The following PRKCE variants were observed in gnomAD, a reference collection of about 807,000 sequenced individuals.
The protein encoded by PRKCE is protein kinase C epsilon, also known as protein kinase C epsilon type.
In PRKCE, 16 loss-of-function variants were observed where a neutral mutation model predicts 85.4. That is an observed-to-expected ratio of 0.19 (90% confidence interval 0.13 to 0.28). The LOEUF (loss-of-function observed/expected upper bound fraction) is 0.28. Among genes scored for constraint, PRKCE ranks in the 10% least tolerant of loss-of-function variants. The pLI, the probability that PRKCE is intolerant of heterozygous loss-of-function variation, is 1.00. For synonymous variants in PRKCE, 388 were observed against 371.5 expected, an observed-to-expected ratio of 1.04 and a Z score of -0.51; for missense variants, 573 against 975.2, an observed-to-expected ratio of 0.59 and a Z score of 5.49.
chr2:45,708,442 G>T (rs1679312132), intron 1 of PRKCE, among the ~76,000 whole-genome samples: 1 of 152,144 alleles, frequency 6.6e-6, no homozygotes, highest in Admixed American at 6.5e-5. Context: ...TCTTTCCCAC[G>T]CTGTTCTCAT....
rs184065070 is a variant in PRKCE, at chr2:45,950,145, G to A, written c.413-26284G>A. 1.1e-3 allele frequency among the ~76,000 whole-genome samples: 162 copies of A among 152,260 alleles called. 1 individual carries two copies. The highest frequency in any genetic ancestry group is 1.6e-3 in the Non-Finnish European group (110 of 68,018). ...CCTAAAATGAATGCTTAGAAAATAT[G>A]TCTCTAATTGGCATCCTGGGAACAT... On this transcript the variant is annotated intron_variant, in intron 2 of 14. Coordinates refer to ENST00000306156, the MANE Select transcript of PRKCE (RefSeq NM_005400.3).
intron 2 of PRKCE, among the ~76,000 whole-genome samples, chr2:45,927,163 G>T (rs184751050): frequency 6.6e-6 from 1 of 152,114 alleles, no homozygotes; most frequent in Non-Finnish European, 1.5e-5. Context: ...ACACAGGATG[G>T]TAAGAAGTAT....
At chr2:46,067,675 A>G (rs903526641) in intron 10 of PRKCE, among the ~76,000 whole-genome samples, 1 of 152,236 alleles carries the variant, frequency 6.6e-6, no homozygotes, top group African/African-American at 2.4e-5. Context: ...CTCACAATGT[A>G]TCTGCTGAAC....
chr2:46,145,402 T>TGTCAAGAAGTCC lies in PRKCE; in HGVS notation c.1731+172_1731+183dup, dbSNP rs1383244881. ...GGAAAAAAGTTTGCTGATTGATGTC[T>TGTCAAGAAGTCC]GTCAAGAAGTCCTAGTGTTGGGGAG... is the stretch of plus-strand genomic sequence containing the variant. On this transcript the variant is annotated intron_variant, in intron 12 of 14. Transcript: ENST00000306156. This position sits in a 1 kb window ranked among gnomAD's most constrained non-coding sequence, Gnocchi z 4.6. Among the ~76,000 whole-genome samples the TGTCAAGAAGTCC allele has an allele frequency of 1.3e-5, 2 of 152,222 alleles. No individual in the cohort carries two copies. Among genetic ancestry groups the TGTCAAGAAGTCC allele is most frequent in the African/African-American group, 4.8e-5 (2 of 41,456 alleles).
chr2:46,018,537 T>C (rs1377660731), intron 10 of PRKCE, among the ~76,000 whole-genome samples: 1 of 152,236 alleles, frequency 6.6e-6, no homozygotes, highest in East Asian at 1.9e-4. Flanking sequence ...CAGTGCTTTA[T>C]TTTCCTTCAG....
intron 1 of PRKCE, among the ~76,000 whole-genome samples, chr2:45,819,456 C>T (rs996912669): frequency 6.6e-6 from 1 of 152,310 alleles, no homozygotes; most frequent in South Asian, 2.1e-4. Flanking sequence ...CCCAAGAGGA[C>T]ACATTGTCCT....
intron 13 of PRKCE, among the ~76,000 whole-genome samples, chr2:46,156,982 A>G (rs1451555843): frequency 6.6e-6 from 1 of 152,164 alleles, no homozygotes; most frequent in African/African-American, 2.4e-5. Flanking sequence ...GTGTTATACA[A>G]TGGTAGGAAT....
intron 1 of PRKCE, among the ~76,000 whole-genome samples, chr2:45,684,282 GA>G (rs1677119730): frequency 6.6e-6 from 1 of 152,210 alleles, no homozygotes; most frequent in Non-Finnish European, 1.5e-5. Context: ...TGATTAACCA[GA>G]AGGTCTTGGC....
chr2:45,996,000 T>A (rs1224310683), intron 6 of PRKCE, among the ~76,000 whole-genome samples: 3 of 152,236 alleles, frequency 2.0e-5, no homozygotes, highest in African/African-American at 7.2e-5. Flanking sequence ...ATGAATACGG[T>A]ATATCTCTAT....
intron 13 of PRKCE, among the ~76,000 whole-genome samples, chr2:46,151,797 C>T (rs1191909062): frequency 2.6e-5 from 4 of 152,260 alleles, no homozygotes; most frequent in Admixed American, 2.0e-4. Flanking sequence ...ACTGACCCTG[C>T]CCTAGGAATC....
chr2:45,769,893 T>C (rs1685179408), intron 1 of PRKCE, among the ~76,000 whole-genome samples: 2 of 152,204 alleles, frequency 1.3e-5, no homozygotes, highest in Admixed American at 1.3e-4. Context: ...TGAGAACAGA[T>C]AGGCAGAAAC....
chr2:45,669,479 G>A (rs975156777), intron 1 of PRKCE, among the ~76,000 whole-genome samples: 1 of 152,224 alleles, frequency 6.6e-6, no homozygotes, highest in African/African-American at 2.4e-5. Context: ...CGTGGCTGAA[G>A]CCTCTGCTCT....
At chr2:45,988,608 G>C (rs545698790) in intron 6 of PRKCE, among the ~76,000 whole-genome samples, 5 of 152,250 alleles carry the variant, frequency 3.3e-5, no homozygotes, top group Non-Finnish European at 2.9e-5. Flanking sequence ...ATCCTTAACC[G>C]AGGGCAGAAA....
Position 45,652,096 on chromosome 2 carries a change from C to CCCCA in PRKCE, c.-5_-4insCCCA. The CCCCA allele has an allele frequency of 6.5e-7, 1 of 1,533,078 alleles. No homozygotes were observed. 95.0% of individuals were successfully genotyped at this position (1,533,078 alleles called of 1,614,324 possible). On this transcript the variant is annotated 5_prime_UTR_variant, in exon 1 of 15. Transcript: ENST00000306156. This position sits in a 1 kb window ranked among gnomAD's most constrained non-coding sequence, Gnocchi z 7.7. ...TGACCCCGGCCCCCACTCCCCGCCC[C>CCCCA]GACCATGGTAGTGTTCAATGGCCTT...
chr2:46,096,898 C>T lies in PRKCE; in HGVS notation c.1592+10536C>T, dbSNP rs113970616. On this transcript the variant is annotated intron_variant, in intron 11 of 14. Transcript: ENST00000306156. ...TATTAAAATAAGAGGGCAAGGCCTG[C>T]GGACTTGGCATAAATTGTAATAGTT... 6.2e-3 allele frequency among the ~76,000 whole-genome samples: 940 copies of T among 152,194 alleles called. 3 individuals are homozygous for T. The highest frequency in any genetic ancestry group is 0.01 in the Non-Finnish European group (696 of 68,004).
chr2:45,663,057 A>G (rs933381392), intron 1 of PRKCE, among the ~76,000 whole-genome samples: 1 of 152,190 alleles, frequency 6.6e-6, no homozygotes, highest in Non-Finnish European at 1.5e-5. Context: ...TGGGAGCCTT[A>G]TTTATTTTCA....
chr2:45,961,703 T>C (rs1274149683), intron 2 of PRKCE, among the ~76,000 whole-genome samples: 2 of 152,072 alleles, frequency 1.3e-5, no homozygotes, highest in African/African-American at 4.8e-5. Flanking sequence ...ATTCTTTTTT[T>C]TTTTTCTTTG....
At chr2:45,932,874 G>A (rs1699147058) in intron 2 of PRKCE, among the ~76,000 whole-genome samples, 1 of 152,132 alleles carries the variant, frequency 6.6e-6, no homozygotes, top group South Asian at 2.1e-4. Flanking sequence ...AGTGGAATTG[G>A]GCAGTATTTC....
At chr2:45,884,010 T>G (rs1311418922) in intron 2 of PRKCE, among the ~76,000 whole-genome samples, 2 of 152,120 alleles carry the variant, frequency 1.3e-5, no homozygotes, top group Non-Finnish European at 2.9e-5. Context: ...AGAGCTGGGT[T>G]TTTGGCAACT....
Sources: allele counts gnomAD v4.1 joint callset (sites outside exome capture counted in the v4.1 genomes callset), GRCh38; gene constraint gnomAD v4.1.1; non-coding constraint Gnocchi (gnomAD v3.1); transcripts MANE v1.5; gene names NCBI Gene and HGNC (gene_info 2026-07-23, HGNC 2026-07-21).